Variants in RIC1 observed in about 807,000 individuals in gnomAD.
RIC1 encodes guanine nucleotide exchange factor subunit RIC1.
In RIC1, 88 loss-of-function variants were observed where a neutral mutation model predicts 169.0. The ratio of observed to expected loss-of-function variants is 0.52; its 90% confidence interval spans 0.44 to 0.62. RIC1 has a LOEUF of 0.62. Among genes scored for constraint, RIC1 ranks in the 20% least tolerant of loss-of-function variants. The pLI is 0.00. For synonymous variants in RIC1, 790 were observed against 601.5 expected (o/e 1.31, Z -4.59); for missense variants, 1,877 against 1,725.5 (o/e 1.09, Z -1.56).
In RIC1 at chr9:5,763,303, A is replaced by G. The variant is rs769542313; in HGVS notation, c.2276A>G (p.Lys759Arg). The G allele has an allele frequency of 6.2e-7, 1 of 1,614,182 alleles. No individual in the cohort carries two copies. The highest frequency in any genetic ancestry group is 2.2e-5 in the East Asian group (1 of 44,880). ...WLPLFPRDHR[K>R]PHSFLSQRIM... Reference sequence around the variant, plus strand: ...CCTCTCTTCCCTAGGGATCACCGCAAGCCCCATTCCTTCTTGTCCCAGCGG... The same window carrying G: ...CCTCTCTTCCCTAGGGATCACCGCAGGCCCCATTCCTTCTTGTCCCAGCGG... The change falls in exon 19 of 26, where the codon AAG (lysine) becomes AGG (arginine). Residue 759 changes from lysine (K) to arginine (R), a missense_variant. This residue lies in a region of RIC1 where 1,104 missense variants were observed against 992.0 expected (regional missense o/e 1.11). Coordinates refer to ENST00000414202, the MANE Select transcript of RIC1 (RefSeq NM_020829.4). This position sits in a 1 kb window ranked among gnomAD's most constrained non-coding sequence, Gnocchi z 5.2.
intron 2 of RIC1, among the ~76,000 whole-genome samples, chr9:5,684,391 C>T (rs1281618698): frequency 6.8e-6 from 1 of 148,036 alleles, no homozygotes; most frequent in Non-Finnish European, 1.5e-5. Flanking sequence ...GAGTTGCTAT[C>T]TTAGCAATAT....
At chr9:5,699,551 A>G (rs895352781) in intron 3 of RIC1, among the ~76,000 whole-genome samples, 2 of 152,234 alleles carry the variant, frequency 1.3e-5, no homozygotes, top group South Asian at 2.1e-4. Context: ...AAAATATAAA[A>G]GCAACATTTT....
intron 10 of RIC1, among the ~76,000 whole-genome samples, chr9:5,744,185 CCT>C (rs1463586345): frequency 6.6e-6 from 1 of 151,944 alleles, no homozygotes; most frequent in African/African-American, 2.4e-5. Context: ...CCAGCAAACC[CCT>C]GTCATCTTTA....
Position 5,686,630 on chromosome 9 carries a change from G to A in RIC1, c.253-3329G>A, listed in dbSNP as rs1477683663. Among the ~76,000 whole-genome samples the A allele has an allele frequency of 2.3e-5, 3 of 129,200 alleles. No individual in the cohort carries two copies. In the East Asian group the frequency reaches 7.9e-4, roughly 34 times the overall value. 84.8% of individuals were successfully genotyped at this position (129,200 alleles called of 152,430 possible). A position where few individuals can be genotyped will look rare whatever the true frequency, so the allele number is the denominator to read the frequency against. ...TATCACACTCTGGGGACTGTGGTGG[G>A]GTGGGGGGAGGGGGGAGGGATAGCA... On this transcript the variant is annotated intron_variant, in intron 2 of 25. Transcript: ENST00000414202.
chr9:5,661,875 G>C (rs1261991022), intron 2 of RIC1, among the ~76,000 whole-genome samples: 1 of 152,076 alleles, frequency 6.6e-6, no homozygotes, highest in Non-Finnish European at 1.5e-5. Flanking sequence ...ATGTTGAATA[G>C]GACTGGTGAG....
chr9:5,720,498 A>C (rs977222998), intron 5 of RIC1, 116 bp from the exon 6 acceptor site: 1 of 1,186,710 alleles, frequency 8.4e-7, no homozygotes, highest in Non-Finnish European at 1.2e-6. Context: ...TTAATTATTT[A>C]GGGTTGTTAG....
chr9:5,702,885 T>C (rs1244284022), intron 3 of RIC1, among the ~76,000 whole-genome samples: 1 of 152,138 alleles, frequency 6.6e-6, no homozygotes, highest in African/African-American at 2.4e-5. Context: ...TCACGATAAC[T>C]TACTATCACA....
At position 5,656,676 on chromosome 9, in the gene RIC1, A is replaced by G. The variant is rs1819118630; in HGVS notation, c.238A>G (p.Met80Val). 1 of 1,592,688 alleles carries G rather than the reference A, an allele frequency of 6.3e-7. No individual in the cohort carries two copies. The highest frequency in any genetic ancestry group is 1.3e-5 in the African/African-American group (1 of 74,394). Residue 80 changes from methionine to valine, a missense_variant, in exon 2 of 26, where the codon ATG (methionine) becomes GTG (valine). Coordinates refer to ENST00000414202, the MANE Select transcript of RIC1 (RefSeq NM_020829.4). The stretch of plus-strand genomic sequence containing the variant: ...AGCTGAATGGAGGCCAGATAGTACC[A>G]TGATAGCTGTATCAGTAAGTAGATT... ...KQAEWRPDSTMIAVSTANGYI... is the reference protein window; with the variant it reads ...KQAEWRPDSTVIAVSTANGYI...
At chr9:5,661,475 G>GT in intron 2 of RIC1, among the ~76,000 whole-genome samples, 1 of 152,240 alleles carries the variant, frequency 6.6e-6, no homozygotes, top group Middle Eastern at 3.4e-3. Context: ...AACATGGAAT[G>GT]TTTTTCCATT....
chr9:5,730,203 C>T (rs996234923), intron 6 of RIC1, among the ~76,000 whole-genome samples: 7 of 152,132 alleles, frequency 4.6e-5, no homozygotes, highest in African/African-American at 1.2e-4. Flanking sequence ...TGTGGAGACT[C>T]ATTCAGTAGG....
intron 1 of RIC1, among the ~76,000 whole-genome samples, chr9:5,643,860 C>T (rs549354186): frequency 3.3e-5 from 5 of 152,258 alleles, no homozygotes; most frequent in Admixed American, 2.6e-4. Flanking sequence ...GAGACAGTTT[C>T]TTCGTTCAGA....
intron 23 of RIC1, among the ~76,000 whole-genome samples, chr9:5,770,510 A>C (rs1446657752): frequency 1.3e-5 from 2 of 152,218 alleles, no homozygotes; most frequent in African/African-American, 2.4e-5. Flanking sequence ...TTAATAGATG[A>C]ATCTTTGTAA....
intron 10 of RIC1, among the ~76,000 whole-genome samples, chr9:5,743,983 G>A (rs908025304): frequency 6.6e-6 from 1 of 152,044 alleles, no homozygotes; most frequent in Non-Finnish European, 1.5e-5. Flanking sequence ...TTGATTTTTA[G>A]TAGAGACGTG....
At position 5,689,881 on chromosome 9, in the gene RIC1, G is replaced by A. The variant is rs1008349371; in HGVS notation, c.253-78G>A. 6.9e-6 allele frequency: 7 copies of A among 1,010,314 alleles called. No individual in the cohort carries two copies. In the African/African-American group the frequency reaches 8.5e-5, roughly 12 times the overall value. The allele number at this position is 1,010,314 out of a possible 1,614,324, so 62.6% of individuals were successfully genotyped here. On this transcript the variant is annotated intron_variant, in intron 2 of 25. Coordinates refer to ENST00000414202, the MANE Select transcript of RIC1 (RefSeq NM_020829.4). ...GAGAATAAATTTTTTTTCGAAGTAA[G>A]AATTTATAAAATTAAAATTCAGGGT...
At chr9:5,712,551 A>G (rs534560673) in intron 3 of RIC1, among the ~76,000 whole-genome samples, 1 of 152,364 alleles carries the variant, frequency 6.6e-6, no homozygotes, top group South Asian at 2.1e-4. Context: ...ACTTCTCAAA[A>G]GAAGACATAT....
At chr9:5,705,190 C>G (rs1012443427) in intron 3 of RIC1, among the ~76,000 whole-genome samples, 1 of 72,764 alleles carries the variant, frequency 1.4e-5, no homozygotes, top group African/African-American at 6.0e-5. Context: ...TTTCCCATTT[C>G]TGTTTTTTTT....
At chr9:5,698,128 C>A (rs1216923663) in intron 3 of RIC1, among the ~76,000 whole-genome samples, 2 of 152,190 alleles carry the variant, frequency 1.3e-5, no homozygotes, top group Non-Finnish European at 2.9e-5. Flanking sequence ...TTAGCTGGCA[C>A]TTAAAGCATT....
At chr9:5,647,974 ATGGTGGTGGTGGTGG>A (rs775917627) in intron 1 of RIC1, among the ~76,000 whole-genome samples, 1 of 99,220 alleles carries the variant, frequency 1.0e-5, no homozygotes, top group Non-Finnish European at 2.0e-5. Context: ...GGTGGTGGTG[ATGGTGGTGGTGGTGG>A]TGGTAGTGGT....
intron 1 of RIC1, among the ~76,000 whole-genome samples, chr9:5,636,271 C>T (rs1473920101): frequency 1.3e-5 from 2 of 151,784 alleles, no homozygotes; most frequent in African/African-American, 4.8e-5. Flanking sequence ...TAAATGTATT[C>T]TAAGTATTTA....
Sources: allele counts gnomAD v4.1 joint callset (sites outside exome capture counted in the v4.1 genomes callset), GRCh38; gene constraint gnomAD v4.1.1; regional missense constraint gnomAD v4.1.1; non-coding constraint Gnocchi (gnomAD v3.1); transcripts MANE v1.5; gene names NCBI Gene and HGNC (gene_info 2026-07-23, HGNC 2026-07-21).